Variants in ADCY9 observed in about 807,000 individuals in gnomAD.
ADCY9 encodes the protein adenylate cyclase type 9.
Under a neutral mutation model 101.5 loss-of-function variants are expected in ADCY9, and 50 were observed. The observed-to-expected ratio is 0.49, with a 90% CI of 0.39 to 0.62. The LOEUF is 0.62. Ranked by LOEUF, ADCY9 falls within the 20% of genes least tolerant of loss-of-function variation. ADCY9 has a pLI of 0.00. For synonymous variants in ADCY9, 905 were observed against 769.3 expected (o/e 1.18, Z -2.92); for missense variants, 1,662 against 1,800.4 (o/e 0.92, Z 1.39).
At position 4,071,332 on chromosome 16, in the gene ADCY9, C is replaced by CAAAAAAA. The variant is rs530420293; in HGVS notation, c.1693+42411_1693+42417dup. Among the ~76,000 whole-genome samples, 545 of 70,380 alleles carry CAAAAAAA rather than the reference C, an allele frequency of 7.7e-3. 6 individuals are homozygous for CAAAAAAA. Among genetic ancestry groups the CAAAAAAA allele is most frequent in the Non-Finnish European group, 0.011 (404 of 38,436 alleles). 46.2% of individuals were successfully genotyped at this position (70,380 alleles called of 152,430 possible). On this transcript the variant is annotated intron_variant, in intron 2 of 10. Coordinates refer to ENST00000294016, the MANE Select transcript of ADCY9 (RefSeq NM_001116.4). ...GGCAACAAAAGCGAAACTCAGTCTCCAAAAAAAAAAAAAAAAAAAAAAAAA... is the reference window on the plus strand; with the variant it reads ...GGCAACAAAAGCGAAACTCAGTCTCCAAAAAAAAAAAAAAAAAAAAAAAAAAAAAAAA...
intron 9 of ADCY9, 59 bp downstream of exon 9, chr16:3,977,423 G>A (rs1044966166): frequency 3.3e-6 from 5 of 1,526,872 alleles, no homozygotes; most frequent in African/African-American, 2.8e-5. Context: ...CAGGCCCTAC[G>A]CAACCTCGGG....
intron 6 of ADCY9, among the ~76,000 whole-genome samples, chr16:3,987,253 C>T (rs1219569787): frequency 1.3e-5 from 2 of 152,210 alleles, no homozygotes; most frequent in Non-Finnish European, 2.9e-5. Context: ...ATTCCTGCTC[C>T]CCATCAGGCC....
chr16:4,093,418 C>T (rs1416903655), intron 2 of ADCY9, among the ~76,000 whole-genome samples: 1 of 152,212 alleles, frequency 6.6e-6, no homozygotes, highest in East Asian at 1.9e-4. Flanking sequence ...AAAACATTTA[C>T]ATCAAATTAT....
At chr16:4,078,450 C>A (rs1457336303) in intron 2 of ADCY9, among the ~76,000 whole-genome samples, 1 of 151,490 alleles carries the variant, frequency 6.6e-6, no homozygotes, top group South Asian at 2.1e-4. Flanking sequence ...GTAGTCCCAG[C>A]TACTTGGGAG....
chr16:3,995,600 T>C (rs1981641), intron 3 of ADCY9, among the ~76,000 whole-genome samples: 41 of 138,034 alleles, frequency 3.0e-4, no homozygotes, highest in African/African-American at 1.0e-3. Context: ...TGGCAAGAAA[T>C]ATATTTTTTT....
At chr16:3,987,705 G>A (rs2056205427) in intron 6 of ADCY9, among the ~76,000 whole-genome samples, 6 of 152,150 alleles carry the variant, frequency 3.9e-5, no homozygotes, top group Admixed American at 3.9e-4. Context: ...TGGCTCTACT[G>A]GGCTCACCAG....
chr16:3,993,849 T>G (rs755479044), intron 3 of ADCY9, among the ~76,000 whole-genome samples: 1 of 152,072 alleles, frequency 6.6e-6, no homozygotes, highest in African/African-American at 2.4e-5. Flanking sequence ...ATGGTGAACC[T>G]CGAAAACATT....
chr16:4,102,738 T>A (rs936947040), intron 2 of ADCY9, among the ~76,000 whole-genome samples: 2 of 151,968 alleles, frequency 1.3e-5, no homozygotes, highest in Admixed American at 1.3e-4. Flanking sequence ...TGTTTGTTTT[T>A]TGAGGCAGAG....
chr16:4,016,083 G>T (rs1286143548), intron 2 of ADCY9, among the ~76,000 whole-genome samples: 1 of 152,202 alleles, frequency 6.6e-6, no homozygotes, highest in Non-Finnish European at 1.5e-5. Context: ...ATCCGAAAAA[G>T]GGAAAGACGG....
At chr16:4,030,131 C>G (rs934557425) in intron 2 of ADCY9, among the ~76,000 whole-genome samples, 1 of 152,148 alleles carries the variant, frequency 6.6e-6, no homozygotes, top group Non-Finnish European at 1.5e-5. Context: ...CACTCACACT[C>G]TATGGCTCAA....
At chr16:3,974,917 G>A (rs980612394) in intron 9 of ADCY9, among the ~76,000 whole-genome samples, 35 of 152,116 alleles carry the variant, frequency 2.3e-4, no homozygotes, top group African/African-American at 7.7e-4. Context: ...TTACGTCTTT[G>A]TTTACCATCC....
chr16:4,057,931 G>A (rs2056750954), intron 2 of ADCY9, among the ~76,000 whole-genome samples: 1 of 152,046 alleles, frequency 6.6e-6, no homozygotes, highest in Admixed American at 6.6e-5. Flanking sequence ...GGCCAAGGTG[G>A]GCAGATCGCT....
At chr16:3,967,019 C>T in intron 10 of ADCY9, 53 bp from the exon 11 acceptor site, 1 of 1,463,884 alleles carries the variant, frequency 6.8e-7, no homozygotes, top group Admixed American at 1.8e-5. Flanking sequence ...CGCTTCCAAG[C>T]TCAGAACAGC....
At chr16:4,027,728 T>C (rs1262540218) in intron 2 of ADCY9, among the ~76,000 whole-genome samples, 1 of 151,924 alleles carries the variant, frequency 6.6e-6, no homozygotes, top group Non-Finnish European at 1.5e-5. Flanking sequence ...AAAACAAAAA[T>C]TAGCTGGGTG....
intron 10 of ADCY9, among the ~76,000 whole-genome samples, chr16:3,968,693 CTT>C (rs967329048): frequency 3.3e-5 from 5 of 152,170 alleles, no homozygotes; most frequent in African/African-American, 1.2e-4. Context: ...CCGAGTCTGT[CTT>C]TTCTTACCAC....
Position 3,992,412 on chromosome 16 carries a change from G to C in ADCY9, c.1990-49C>G, listed in dbSNP as rs754975058. The C allele has an allele frequency of 7.1e-6, 11 of 1,546,032 alleles. No homozygotes were observed. The highest frequency in any genetic ancestry group is 1.4e-5 in the African/African-American group (1 of 73,528). ...AGACACGGGAAGTGAAGTGGCACCG[G>C]GCACTGGGCACACACGCCTGTCCCA... On this transcript the variant is annotated intron_variant, in intron 4 of 10. Coordinates refer to ENST00000294016, the MANE Select transcript of ADCY9 (RefSeq NM_001116.4). This position sits in a 1 kb window ranked among gnomAD's most constrained non-coding sequence, Gnocchi z 4.2.
intron 2 of ADCY9, among the ~76,000 whole-genome samples, chr16:4,042,986 C>T (rs1039352085): frequency 6.6e-6 from 1 of 152,172 alleles, no homozygotes; most frequent in Non-Finnish European, 1.5e-5. Context: ...AATCCCAGCA[C>T]TTTGGGAGGC....
intron 2 of ADCY9, among the ~76,000 whole-genome samples, chr16:4,033,950 C>T (rs545054338): frequency 3.3e-5 from 5 of 152,270 alleles, no homozygotes; most frequent in African/African-American, 1.2e-4. Context: ...CTGGCCTGTT[C>T]AAAAATTCTA....
At chr16:4,062,071 C>A (rs1453800461) in intron 2 of ADCY9, among the ~76,000 whole-genome samples, 1 of 152,166 alleles carries the variant, frequency 6.6e-6, no homozygotes. Flanking sequence ...GTAATCCCAG[C>A]ACTTTGGGAG....
Sources: allele counts gnomAD v4.1 joint callset (sites outside exome capture counted in the v4.1 genomes callset), GRCh38; gene constraint gnomAD v4.1.1; non-coding constraint Gnocchi (gnomAD v3.1); transcripts MANE v1.5; gene names NCBI Gene and HGNC (gene_info 2026-07-23, HGNC 2026-07-21).